The following UNC13C variants were observed in gnomAD, a reference collection of about 807,000 sequenced individuals.
UNC13C encodes protein unc-13 homolog C.
A neutral mutation model predicts 245.4 loss-of-function variants in UNC13C; 174 were observed. That is an observed-to-expected ratio of 0.71 (90% CI 0.63 to 0.80). The LOEUF is 0.80. Among genes scored for constraint, UNC13C ranks in the 30% least tolerant of loss-of-function variants. The probability of loss-of-function intolerance (pLI) is 0.00; values close to 1 mark genes in which losing one functional copy is unlikely to be tolerated. For missense variants in UNC13C, 2,829 were observed against 2,602.9 expected (o/e 1.09, Z -1.89); for synonymous variants, 992 against 895.1 (o/e 1.11, Z -1.93).
intron 17 of UNC13C, among the ~76,000 whole-genome samples, chr15:54,365,612 C>T (rs2039346526): frequency 6.6e-6 from 1 of 151,838 alleles, no homozygotes; most frequent in South Asian, 2.1e-4. Context: ...GCATATAAGA[C>T]CATGTTGATT....
At chr15:54,237,498 T>A (rs200008983) in intron 6 of UNC13C, 121 bp from the exon 7 acceptor site, 5 of 768,708 alleles carry the variant, frequency 6.5e-6, no homozygotes, top group Middle Eastern at 2.2e-4. Flanking sequence ...AAATGGCAGG[T>A]CCTTACTAAC....
chr15:54,422,981 AC>A (rs1451204216), intron 19 of UNC13C, among the ~76,000 whole-genome samples: 2 of 139,022 alleles, frequency 1.4e-5, no homozygotes, highest in South Asian at 2.2e-4. Flanking sequence ...ACACACACAC[AC>A]AACGAAAAAA....
rs766952435 is a variant in UNC13C at position 54,511,753 on chromosome 15, C to T, written c.5380C>T (p.Pro1794Ser). The change falls in exon 24 of 33, where the codon CCC (proline) becomes TCC (serine). Residue 1794 changes from proline (P) to serine (S), a missense_variant and splice_region_variant. By Grantham distance (74) the Pro-to-Ser change is moderately conservative. Coordinates refer to ENST00000260323, the MANE Select transcript of UNC13C (RefSeq NM_001080534.3). ...ATAGTCTTTTTTTCTATATTTAAAG[C>T]CCTGTATCTTGATGAACAATATTCA... ...FSSHCDKENV[P>S]CILMNNIQQL... The T allele has an allele frequency of 1.9e-6, 3 of 1,600,328 alleles. No individual in the cohort carries two copies. Among genetic ancestry groups the T allele is most frequent in the Admixed American group, 1.7e-5 (1 of 58,548 alleles).
intron 7 of UNC13C, among the ~76,000 whole-genome samples, chr15:54,246,021 G>C (rs981968895): frequency 6.6e-6 from 1 of 152,146 alleles, no homozygotes; most frequent in Non-Finnish European, 1.5e-5. Flanking sequence ...ATTATTAACA[G>C]TTGGTAGATT....
chr15:54,624,909 A>G (rs928343522), intron 32 of UNC13C, among the ~76,000 whole-genome samples: 3 of 152,132 alleles, frequency 2.0e-5, no homozygotes, highest in African/African-American at 7.2e-5. Context: ...TGGGGCTAAT[A>G]GTAACCAGGC....
chr15:54,292,616 T>C (rs2037326411), intron 10 of UNC13C, among the ~76,000 whole-genome samples: 1 of 151,896 alleles, frequency 6.6e-6, no homozygotes. Flanking sequence ...GGAAGTCTAG[T>C]GAAAACCATA....
the UNC13C span, among the ~76,000 whole-genome samples, chr15:53,937,413 G>A: frequency 6.6e-6 from 1 of 152,026 alleles, no homozygotes; most frequent in South Asian, 2.1e-4. Flanking sequence ...GACTAATTGG[G>A]GTACATGAAA....
chr15:53,873,683 G>C, the UNC13C span, among the ~76,000 whole-genome samples: 2 of 11,880 alleles, frequency 1.7e-4, no homozygotes, highest in Non-Finnish European at 4.6e-4. Flanking sequence ...TTTAGGTCAG[G>C]GTACTGAGCA....
At chr15:54,031,910 T>C (rs949374197) in intron 2 of UNC13C, among the ~76,000 whole-genome samples, 1 of 152,248 alleles carries the variant, frequency 6.6e-6, no homozygotes, top group Non-Finnish European at 1.5e-5. Context: ...AACTTTATCA[T>C]ACATTTTGCT....
chr15:54,599,321 A>G (rs2141268840), intron 30 of UNC13C, among the ~76,000 whole-genome samples: 1 of 152,276 alleles, frequency 6.6e-6, no homozygotes, highest in South Asian at 2.1e-4. Flanking sequence ...TGCCAGCTTC[A>G]GAGGTACAGA....
intron 8 of UNC13C, among the ~76,000 whole-genome samples, chr15:54,253,825 G>A (rs79078112): frequency 1.3e-3 from 195 of 152,258 alleles, no homozygotes; most frequent in Non-Finnish European, 2.4e-3. Context: ...TATGTTTTCA[G>A]TGTAGAAAAA....
the UNC13C span, among the ~76,000 whole-genome samples, chr15:53,919,786 T>C: frequency 6.6e-6 from 1 of 152,208 alleles, no homozygotes; most frequent in African/African-American, 2.4e-5. Flanking sequence ...ACATATAACA[T>C]GCTATAGGAT....
At chr15:53,879,901 C>T in the UNC13C span, among the ~76,000 whole-genome samples, 3 of 152,146 alleles carry the variant, frequency 2.0e-5, no homozygotes, top group African/African-American at 7.2e-5. Context: ...TGTAATCTAA[C>T]ATAAGACATA....
chr15:54,253,140 C>A (rs2036195217), intron 8 of UNC13C, among the ~76,000 whole-genome samples: 1 of 152,142 alleles, frequency 6.6e-6, no homozygotes, highest in African/African-American at 2.4e-5. Context: ...TGTGGTCTGA[C>A]CAATGGCCCA....
At chr15:54,526,920 T>C (rs1280400950) in intron 25 of UNC13C, among the ~76,000 whole-genome samples, 1 of 152,142 alleles carries the variant, frequency 6.6e-6, no homozygotes, top group Non-Finnish European at 1.5e-5. Flanking sequence ...ATTTTTCTTC[T>C]TAGATGTAGG....
chr15:54,161,078 A>C (rs2032954299), intron 4 of UNC13C, among the ~76,000 whole-genome samples: 1 of 152,118 alleles, frequency 6.6e-6, no homozygotes, highest in Non-Finnish European at 1.5e-5. Flanking sequence ...TTGTAAAAGA[A>C]ATATTACCTT....
At chr15:53,860,248 CAT>C in the UNC13C span, among the ~76,000 whole-genome samples, 2 of 132,402 alleles carry the variant, frequency 1.5e-5, no homozygotes, top group Admixed American at 7.5e-5. Flanking sequence ...ATCATGATAT[CAT>C]GTGATAACTC....
At chr15:54,356,923 C>T (rs2039108505) in intron 17 of UNC13C, among the ~76,000 whole-genome samples, 1 of 151,970 alleles carries the variant, frequency 6.6e-6, no homozygotes, top group African/African-American at 2.4e-5. Context: ...AAGTTTTCTT[C>T]ATTTTTTATT....
intron 2 of UNC13C, among the ~76,000 whole-genome samples, chr15:54,114,624 T>G (rs10851555): frequency 0.42 from 63,144 of 151,880 alleles, 13,422 homozygotes; most frequent in Non-Finnish European, 0.47. Flanking sequence ...TCATATTTTT[T>G]TTTGCTACTG....
Sources: allele counts gnomAD v4.1 joint callset (sites outside exome capture counted in the v4.1 genomes callset), GRCh38; gene constraint gnomAD v4.1.1; transcripts MANE v1.5; gene names NCBI Gene and HGNC (gene_info 2026-07-23, HGNC 2026-07-21).